ATAD2B: variants seen among roughly 807,000 people sequenced by gnomAD.
ATAD2B encodes the protein ATPase family AAA domain-containing protein 2B.
ATAD2B carries 40 observed loss-of-function variants against 167.6 expected under a neutral mutation model. The ratio of observed to expected loss-of-function variants is 0.24; its 90% CI spans 0.19 to 0.31. The LOEUF (loss-of-function observed/expected upper bound fraction) is 0.31. Among genes scored for constraint, ATAD2B ranks in the 10% least tolerant of loss-of-function variants. ATAD2B has a pLI of 1.00. For missense variants in ATAD2B, 1,242 were observed against 1,757.2 expected (o/e 0.71, Z 5.24); for synonymous variants, 579 against 596.5 (o/e 0.97, Z 0.43).
chr2:23,690,676 G>A, the ATAD2B span: 1 of 152,204 alleles, frequency 6.6e-6, no homozygotes, highest in African/African-American at 2.4e-5. Flanking sequence ...CGGCCTGCGG[G>A]GCCGCCTCCG....
chr2:23,685,484 C>G, the ATAD2B span: 2 of 152,248 alleles, frequency 1.3e-5, no homozygotes, highest in Admixed American at 1.3e-4. Flanking sequence ...ACCTCTGCTT[C>G]CCAATGCCGT....
At chr2:23,788,796 C>T in intron 19 of ATAD2B, 149 bp from the exon 20 acceptor site, 2 of 689,370 alleles carry the variant, frequency 2.9e-6, no homozygotes, top group South Asian at 5.3e-5. Context: ...TAGTCCTAGG[C>T]TATGCTGTTG....
chr2:23,785,450 C>A (rs1680679078), intron 21 of ATAD2B, among the ~76,000 whole-genome samples: 1 of 152,030 alleles, frequency 6.6e-6, no homozygotes, highest in Non-Finnish European at 1.5e-5. Flanking sequence ...AACCATGCTC[C>A]CACAAGCACA....
chr2:23,895,885 T>C lies in ATAD2B; in HGVS notation c.302A>G (p.Lys101Arg), dbSNP rs779890220. Residue 101 changes from lysine to arginine, a missense_variant, in exon 2 of 28, where the codon AAA (lysine) becomes AGA (arginine). Physicochemically the swap from Lys to Arg is conservative, Grantham distance 26. Around this residue, in one of 9 missense-constraint regions of ATAD2B, gnomAD observed 199 missense variants for 194.9 expected, o/e 1.02. Transcript: ENST00000238789. Reference protein sequence around the residue: ...RTLKQPDSVCKDKSKSRSTGQ... With the variant: ...RTLKQPDSVCRDKSKSRSTGQ... ...AGTACTTCGTGATTTTGATTTGTCT[T>C]TGCAAACAGAATCAGGTTGTTTCAA... 81 of 1,613,392 alleles carry C rather than the reference T, an allele frequency of 5.0e-5. No individual in the cohort carries two copies. Among genetic ancestry groups the C allele is most frequent in the Middle Eastern group, 1.6e-4 (1 of 6,082 alleles).
At chr2:23,743,214 C>T in the ATAD2B span, among the ~76,000 whole-genome samples, 6 of 151,126 alleles carry the variant, frequency 4.0e-5, no homozygotes. Context: ...TAGAATGTTC[C>T]AGGAGAAATT....
the ATAD2B span, among the ~76,000 whole-genome samples, chr2:23,686,189 G>T: frequency 6.6e-6 from 1 of 152,304 alleles, no homozygotes; most frequent in Admixed American, 6.5e-5. Flanking sequence ...CTGCACTGGG[G>T]CAGGCAAGCC....
At chr2:23,694,055 G>A in the ATAD2B span, among the ~76,000 whole-genome samples, 1 of 152,186 alleles carries the variant, frequency 6.6e-6, no homozygotes, top group African/African-American at 2.4e-5. Flanking sequence ...GAAGTTAGAT[G>A]GGGCAGCTAA....
At chr2:23,706,475 C>T in the ATAD2B span, 25 of 1,490,320 alleles carry the variant, frequency 1.7e-5, no homozygotes, top group South Asian at 3.2e-4. Flanking sequence ...CGCTTTCCCC[C>T]AACAGTGCTG....
At chr2:23,801,251 A>G (rs1422966979) in intron 18 of ATAD2B, among the ~76,000 whole-genome samples, 4 of 152,148 alleles carry the variant, frequency 2.6e-5, no homozygotes, top group African/African-American at 9.6e-5. Context: ...GTTTAATACT[A>G]TTATGATTTT....
At chr2:23,860,691 C>A (rs1446008246) in intron 12 of ATAD2B, among the ~76,000 whole-genome samples, 2 of 152,182 alleles carry the variant, frequency 1.3e-5, no homozygotes, top group African/African-American at 4.8e-5. Flanking sequence ...ACAATTCAGG[C>A]TGAGCATGGT....
intron 8 of ATAD2B, among the ~76,000 whole-genome samples, chr2:23,875,224 G>A (rs111518989): frequency 0.065 from 9,824 of 151,610 alleles, 409 homozygotes; most frequent in African/African-American, 0.12. Context: ...GAAACTGGTC[G>A]GGCGCCATGA....
chr2:23,926,848 G>A lies in ATAD2B; in HGVS notation c.-78C>T. The A allele has an allele frequency of 7.0e-7, 1 of 1,433,798 alleles. No homozygotes were observed. Among genetic ancestry groups the A allele is most frequent in the Non-Finnish European group, 9.2e-7 (1 of 1,092,058 alleles). 88.8% of individuals were successfully genotyped at this position (1,433,798 alleles called of 1,614,324 possible). On this transcript the variant is annotated 5_prime_UTR_variant, in exon 1 of 28. Coordinates refer to ENST00000238789, the MANE Select transcript of ATAD2B (RefSeq NM_017552.4). ...CCGGCCCGCCGGCCGGTCAGTCAGG[G>A]CCAGCGGAGCCGAGCCGGGCAATGA... is the stretch of plus-strand genomic sequence containing the variant.
chr2:23,731,462 G>A, the ATAD2B span, among the ~76,000 whole-genome samples: 2 of 152,132 alleles, frequency 1.3e-5, no homozygotes, highest in African/African-American at 4.8e-5. Flanking sequence ...GACTCTACGT[G>A]CCTCCTAATG....
chr2:23,855,761 T>C (rs1693293749), intron 13 of ATAD2B, among the ~76,000 whole-genome samples: 1 of 152,212 alleles, frequency 6.6e-6, no homozygotes, highest in Non-Finnish European at 1.5e-5. Flanking sequence ...GGGTACTGCA[T>C]GCCTGTAGTT....
rs535124311 is a variant in ATAD2B, at chr2:23,849,167, T to G, written c.1568+8248A>C. Among the ~76,000 whole-genome samples the G allele has an allele frequency of 2.0e-5, 3 of 152,240 alleles. No homozygotes were observed. In the South Asian group the frequency reaches 6.2e-4, roughly 32 times the overall value. On this transcript the variant is annotated intron_variant, in intron 13 of 27. Transcript: ENST00000238789. ...TTAAACATTGACTAAACAGTCAAAT[T>G]AAAATTAAGAGACAATGCAATTAAG...
chr2:23,858,163 C>G (rs999566585), intron 12 of ATAD2B, among the ~76,000 whole-genome samples: 5 of 152,072 alleles, frequency 3.3e-5, no homozygotes, highest in African/African-American at 9.6e-5. Context: ...CTCTGTCACC[C>G]AGGCTGGAGT....
chr2:23,873,036 T>C, intron 8 of ATAD2B: 1 of 620,452 alleles, frequency 1.6e-6, no homozygotes, highest in East Asian at 2.8e-5. Flanking sequence ...GGGGAGGCCC[T>C]ACATCAATTT....
chr2:23,788,737 G>C, intron 19 of ATAD2B, 90 bp from the exon 20 acceptor site: 1 of 1,083,210 alleles, frequency 9.2e-7, no homozygotes, highest in Non-Finnish European at 1.3e-6. Flanking sequence ...TCATCTTCCA[G>C]TATCATGTTC....
At chr2:23,864,181 T>G (rs1431676656) in intron 11 of ATAD2B, among the ~76,000 whole-genome samples, 1 of 152,076 alleles carries the variant, frequency 6.6e-6, no homozygotes, top group African/African-American at 2.4e-5. Flanking sequence ...ATTTTTGTAT[T>G]TTCAGTAGAG....
Sources: gnomAD v4.1 joint callset for allele counts (sites outside exome capture counted in the v4.1 genomes callset) on GRCh38, gnomAD v4.1.1 for gene constraint, gnomAD v4.1.1 regional missense constraint, MANE v1.5 for transcripts, NCBI Gene and HGNC (gene_info 2026-07-23, HGNC 2026-07-21) for gene names.